Variants in EFTUD2 observed in about 807,000 individuals in gnomAD.
EFTUD2 encodes elongation factor Tu GTP binding domain containing 2.
A neutral mutation model predicts 114.3 loss-of-function variants in EFTUD2; 9 were observed. The observed-to-expected ratio is 0.08, with a 90% confidence interval of 0.05 to 0.14. The LOEUF (loss-of-function observed/expected upper bound fraction) is 0.14. Among genes scored for constraint, EFTUD2 ranks in the 10% least tolerant of loss-of-function variants. EFTUD2 has a pLI of 1.00. For synonymous variants in EFTUD2, 449 were observed against 462.3 expected (o/e 0.97, Z 0.37); for missense variants, 765 against 1,241.2 (o/e 0.62, Z 5.76).
intron 1 of EFTUD2, among the ~76,000 whole-genome samples, chr17:44,898,352 G>C (rs958870188): frequency 6.6e-6 from 1 of 152,028 alleles, no homozygotes; most frequent in African/African-American, 2.4e-5. Flanking sequence ...CGAGTAGTTG[G>C]GACTACAGGA....
At chr17:44,894,282 A>G in intron 2 of EFTUD2, 135 bp downstream of exon 2, 1 of 683,302 alleles carries the variant, frequency 1.5e-6, no homozygotes, top group Non-Finnish European at 2.5e-6. Flanking sequence ...AGGTGGGAGG[A>G]TCACTTAAGC....
rs1443966389 is a variant in EFTUD2, at chr17:44,879,552, T to C, written c.702+4A>G. ...TGAGATTCTGGGAGCTGAGTCTGAC[T>C]CACCCCCTCAGCAGCATCAATGAAA... On this transcript the variant is annotated splice_donor_region_variant and intron_variant, in intron 9 of 27. Coordinates refer to ENST00000426333, the MANE Select transcript of EFTUD2 (RefSeq NM_004247.4). 1 of 1,613,634 alleles carries C rather than the reference T, an allele frequency of 6.2e-7. No individual in the cohort carries two copies. The highest frequency in any genetic ancestry group is 8.5e-7 in the Non-Finnish European group (1 of 1,179,830).
In EFTUD2 at chr17:44,854,913, C is replaced by T. The variant is rs769205757; in HGVS notation, c.2132+5G>A. 8.7e-5 allele frequency: 141 copies of T among 1,613,914 alleles called. No homozygotes were observed. Among genetic ancestry groups the T allele is most frequent in the Non-Finnish European group, 1.2e-4 (138 of 1,179,898 alleles). ...TCGACCCTGGCGTCAGAGCCCTGTT[C>T]TCACCTGTTCCACGTAATCTGGACC... is the stretch of plus-strand genomic sequence containing the variant. On this transcript the variant is annotated splice_donor_5th_base_variant and intron_variant, in intron 21 of 27. Transcript: ENST00000426333. This position sits in a 1 kb window ranked among gnomAD's most constrained non-coding sequence, Gnocchi z 4.3.
chr17:44,887,038 C>CG (rs1244592029), intron 2 of EFTUD2, among the ~76,000 whole-genome samples: 12 of 152,048 alleles, frequency 7.9e-5, no homozygotes, highest in African/African-American at 2.9e-4. Flanking sequence ...CAGCCCTTTA[C>CG]GGGGAAAAAA....
intron 9 of EFTUD2, among the ~76,000 whole-genome samples, chr17:44,876,517 C>T (rs900805087): frequency 5.3e-5 from 8 of 152,096 alleles, no homozygotes; most frequent in Admixed American, 4.6e-4. Flanking sequence ...AAGCAATGTA[C>T]CCCAGTAGCA....
intron 2 of EFTUD2, among the ~76,000 whole-genome samples, chr17:44,890,498 G>A (rs936841295): frequency 1.3e-5 from 2 of 151,710 alleles, no homozygotes; most frequent in East Asian, 3.9e-4. Context: ...TTCGAGACCA[G>A]TCTGACCAAC....
At chr17:44,861,273 A>C (rs1318245393) in intron 16 of EFTUD2, among the ~76,000 whole-genome samples, 2 of 151,870 alleles carry the variant, frequency 1.3e-5, no homozygotes, top group Admixed American at 6.6e-5. Flanking sequence ...GGTGAAAACT[A>C]TCTCTACTAA....
intron 2 of EFTUD2, among the ~76,000 whole-genome samples, chr17:44,890,842 A>G (rs1341700880): frequency 6.6e-6 from 1 of 152,240 alleles, no homozygotes; most frequent in African/African-American, 2.4e-5. Flanking sequence ...TATAAATACA[A>G]TAAGCATATG....
At chr17:44,872,906 T>C (rs1171824708) in intron 10 of EFTUD2, 2 of 156,054 alleles carry the variant, frequency 1.3e-5, no homozygotes. Flanking sequence ...CAGAAATACA[T>C]TTGACGAAAA....
intron 9 of EFTUD2, among the ~76,000 whole-genome samples, chr17:44,876,529 T>C (rs1193380863): frequency 6.6e-6 from 1 of 152,144 alleles, no homozygotes; most frequent in Non-Finnish European, 1.5e-5. Context: ...CCAGTAGCAA[T>C]GAGCACATCC....
In EFTUD2 at chr17:44,895,603, T is replaced by C. The variant is rs144027054; in HGVS notation, c.-4-1078A>G. Among the ~76,000 whole-genome samples, 871 of 152,260 alleles carry C rather than the reference T, an allele frequency of 5.7e-3. 8 individuals are homozygous for C. Among genetic ancestry groups the C allele is most frequent in the African/African-American group, 0.02 (822 of 41,558 alleles). ...AATAGCAGAGTTGAATAGTTGAGAC[T>C]GAAACCATATGGCTCACAAAGCCTA... On this transcript the variant is annotated intron_variant, in intron 1 of 27. Coordinates refer to ENST00000426333, the MANE Select transcript of EFTUD2 (RefSeq NM_004247.4).
At chr17:44,874,118 T>C (rs1054516116) in intron 10 of EFTUD2, among the ~76,000 whole-genome samples, 3 of 145,882 alleles carry the variant, frequency 2.1e-5, no homozygotes, top group African/African-American at 7.6e-5. Context: ...CATAGCTCAC[T>C]ATAACCCTGA....
intron 18 of EFTUD2, 91 bp downstream of exon 18, chr17:44,859,814 T>C (rs1229391699): frequency 5.0e-6 from 8 of 1,590,416 alleles, no homozygotes; most frequent in Non-Finnish European, 6.9e-6. Flanking sequence ...CAGCAGATCA[T>C]GAACACCTGA....
chr17:44,879,584 A>C lies in EFTUD2; in HGVS notation c.674T>G (p.Val225Gly). 1 of 1,613,580 alleles carries C rather than the reference A, an allele frequency of 6.2e-7. No individual in the cohort carries two copies. The highest frequency in any genetic ancestry group is 8.5e-7 in the Non-Finnish European group (1 of 1,179,858). ...VTAGLRISDG[V>G]VLFIDAAEGV... ...CTCAGCAGCATCAATGAAAAGGACCACTCCATCTGAGATGCGCAAGCCAGC... is the reference window on the plus strand; with the variant it reads ...CTCAGCAGCATCAATGAAAAGGACCCCTCCATCTGAGATGCGCAAGCCAGC... Residue 225 changes from valine to glycine, a missense_variant, in exon 9 of 28, where the codon GTG (valine) becomes GGG (glycine). Physicochemically the swap from Val to Gly is moderately radical, Grantham distance 109. This residue lies in a region of EFTUD2 where 251 missense variants were observed against 357.7 expected (regional missense o/e 0.70). Coordinates refer to ENST00000426333, the MANE Select transcript of EFTUD2 (RefSeq NM_004247.4).
intron 17 of EFTUD2, 139 bp downstream of exon 17, chr17:44,860,293 T>C (rs2018418258): frequency 1.3e-6 from 1 of 753,272 alleles, no homozygotes; most frequent in South Asian, 1.7e-5. Flanking sequence ...ACAGGGAGAA[T>C]CCAGCAGGGT....
intron 2 of EFTUD2, among the ~76,000 whole-genome samples, chr17:44,887,638 A>G (rs536718440): frequency 2.9e-4 from 44 of 152,330 alleles, no homozygotes; most frequent in African/African-American, 1.0e-3. Context: ...AGGCGAATCT[A>G]TATAGACAGA....
At chr17:44,880,354 T>C in intron 8 of EFTUD2, 200 bp downstream of exon 8, 1 of 474,428 alleles carries the variant, frequency 2.1e-6, no homozygotes, top group Non-Finnish European at 3.8e-6. Flanking sequence ...AGTAAAGACA[T>C]GAATAGAAGG....
At chr17:44,885,109 C>A in intron 4 of EFTUD2, 147 bp downstream of exon 4, 1 of 661,780 alleles carries the variant, frequency 1.5e-6, no homozygotes. Context: ...CCCAAATATC[C>A]CAGCAGCCAC....
chr17:44,862,283 A>C (rs1347629484), intron 16 of EFTUD2, among the ~76,000 whole-genome samples: 2 of 152,054 alleles, frequency 1.3e-5, no homozygotes, highest in Non-Finnish European at 2.9e-5. Context: ...AAAAATTTAA[A>C]AATTAGCCAG....
Sources: allele counts gnomAD v4.1 joint callset (sites outside exome capture counted in the v4.1 genomes callset), GRCh38; gene constraint gnomAD v4.1.1; regional missense constraint gnomAD v4.1.1; non-coding constraint Gnocchi (gnomAD v3.1); transcripts MANE v1.5; gene names NCBI Gene and HGNC (gene_info 2026-07-23, HGNC 2026-07-21).